FAM234B: variants seen among roughly 807,000 people sequenced by gnomAD.
The protein encoded by FAM234B is family with sequence similarity 234 member B.
Under a neutral mutation model 69.3 loss-of-function variants are expected in FAM234B, and 33 were observed. The ratio of observed to expected loss-of-function variants is 0.48; its 90% CI spans 0.36 to 0.64. FAM234B has a LOEUF of 0.64. FAM234B is among the 30% of genes least tolerant of loss of function. FAM234B has a pLI of 0.00. For synonymous variants in FAM234B, 306 were observed against 306.9 expected (o/e 1.00, Z 0.03); for missense variants, 697 against 769.7 (o/e 0.91, Z 1.12).
In FAM234B at chr12:13,068,659, A is replaced by T. The variant is rs200411461; in HGVS notation, c.1316A>T (p.Asp439Val). 2 of 1,613,112 alleles carry T rather than the reference A, an allele frequency of 1.2e-6. No homozygotes were observed. The highest frequency in any genetic ancestry group is 3.3e-5 in the Admixed American group (2 of 60,016). Reference sequence around the variant, plus strand: ...CCTACTCCTGGATATTTCACTGATGATCAGACATTAGATTTCCTTCTGCAG... The same window carrying T: ...CCTACTCCTGGATATTTCACTGATGTTCAGACATTAGATTTCCTTCTGCAG... Reference protein sequence around the residue: ...SQPTPGYFTDDQTLDFLLQIQ... With the variant: ...SQPTPGYFTDVQTLDFLLQIQ... Residue 439 changes from aspartate (D) to valine (V), a missense_variant, in exon 9 of 13, where the codon GAT (aspartate) becomes GTT (valine). By Grantham distance (152) the Asp-to-Val change is radical. Around this residue, in one of 3 missense-constraint regions of FAM234B, gnomAD observed 313 missense variants for 305.5 expected, o/e 1.02. Coordinates refer to ENST00000197268, the MANE Select transcript of FAM234B (RefSeq NM_020853.2).
intron 1 of FAM234B, among the ~76,000 whole-genome samples, chr12:13,047,938 G>GA (rs1039766935): frequency 6.6e-6 from 1 of 152,036 alleles, no homozygotes; most frequent in African/African-American, 2.4e-5. Context: ...TAAATAGATA[G>GA]AAAAAATATT....
At chr12:13,052,310 G>C (rs190058812) in intron 1 of FAM234B, among the ~76,000 whole-genome samples, 20 of 152,240 alleles carry the variant, frequency 1.3e-4, no homozygotes, top group African/African-American at 4.8e-4. Context: ...TAAGTAGCTA[G>C]TTGTAAGTTT....
At chr12:13,071,122 A>G in intron 9 of FAM234B, 119 bp from the exon 10 acceptor site, 1 of 1,098,008 alleles carries the variant, frequency 9.1e-7, no homozygotes. Flanking sequence ...GCATCTTAAA[A>G]GCGCAGCGTG....
In FAM234B at chr12:13,058,485, G is replaced by GA. The variant is rs1864954223; in HGVS notation, c.470dup (p.Asn157LysfsTer7). ...TGTCTCCATTGGAATTGGCTGATGTGAATGGAGATGGCCTGCGTGATGTGC... is the reference window on the plus strand; with the variant it reads ...TGTCTCCATTGGAATTGGCTGATGTGAAATGGAGATGGCCTGCGTGATGTGC... On this transcript the variant is annotated frameshift_variant, in exon 3 of 13. Transcript: ENST00000197268. LOFTEE classifies it high-confidence loss of function. 6.2e-7 allele frequency: 1 copy of GA among 1,613,978 alleles called. No homozygotes were observed. The highest frequency in any genetic ancestry group is 1.3e-5 in the African/African-American group (1 of 74,908).
chr12:13,052,172 A>G (rs1238807684), intron 1 of FAM234B, among the ~76,000 whole-genome samples: 1 of 152,124 alleles, frequency 6.6e-6, no homozygotes, highest in Non-Finnish European at 1.5e-5. Flanking sequence ...AGGACAGATA[A>G]TTGGCAACTT....
At chr12:13,071,750 A>G (rs1865109577) in intron 10 of FAM234B, among the ~76,000 whole-genome samples, 1 of 152,086 alleles carries the variant, frequency 6.6e-6, no homozygotes, top group Admixed American at 6.6e-5. Flanking sequence ...TGAAGTGGGC[A>G]GAGAGAATTT....
Position 13,080,613 on chromosome 12 carries a change from C to CT in FAM234B, c.1864-7dup. 1 of 1,604,072 alleles carries CT rather than the reference C, an allele frequency of 6.2e-7. No individual in the cohort carries two copies. Among genetic ancestry groups the CT allele is most frequent in the Non-Finnish European group, 8.5e-7 (1 of 1,171,044 alleles). On this transcript the variant is annotated splice_polypyrimidine_tract_variant and intron_variant, in intron 12 of 12. Transcript: ENST00000197268. ...GAAAAACAATAAAGTCACGATAACT[C>CT]TTTTTCCATAGATCTAATCTGATGG...
intron 1 of FAM234B, 47 bp from the exon 2 acceptor site, chr12:13,055,504 G>A (rs1221093466): frequency 1.3e-6 from 2 of 1,498,432 alleles, no homozygotes; most frequent in African/African-American, 1.4e-5. Flanking sequence ...TGGTGAGGGT[G>A]TCTTCTCCCC....
In FAM234B at chr12:13,058,541, G is replaced by C. The variant is rs775679493; in HGVS notation, c.524G>C (p.Ser175Thr). ...LLSFVMSRNG[S>T]AVGVSRPAAN... is the part of the protein sequence containing the mutation. ...TCCTTTGTGATGTCAAGGAACGGGA[G>C]TGCAGTAGGTAAGAGACGTGTTTTT... is the stretch of plus-strand genomic sequence containing the variant. Residue 175 changes from serine to threonine, a missense_variant, in exon 3 of 13, where the codon AGT (serine) becomes ACT (threonine). By Grantham distance (58) the Ser-to-Thr change is moderately conservative. Coordinates refer to ENST00000197268, the MANE Select transcript of FAM234B (RefSeq NM_020853.2). 60 of 1,611,212 alleles carry C rather than the reference G, an allele frequency of 3.7e-5. No homozygotes were observed. In the South Asian group the frequency reaches 6.4e-4, roughly 17 times the overall value.
In FAM234B at chr12:13,081,084, T is replaced by C. The variant is rs1194473577; in HGVS notation, c.*454T>C. The C allele has an allele frequency of 6.5e-6, 1 of 154,654 alleles. No homozygotes were observed. The highest frequency in any genetic ancestry group is 2.4e-5 in the African/African-American group (1 of 41,556). The allele number at this position is 154,654 out of a possible 1,614,324, so 9.6% of individuals were successfully genotyped here. ...CAGTTTCTTGTCCTTCTGAAATATA[T>C]CTGGTTTGTTTGGTCATTTTGAGAC... On this transcript the variant is annotated 3_prime_UTR_variant, in exon 13 of 13. Coordinates refer to ENST00000197268, the MANE Select transcript of FAM234B (RefSeq NM_020853.2).
At chr12:13,069,573 G>A (rs191534938) in intron 9 of FAM234B, among the ~76,000 whole-genome samples, 30 of 152,284 alleles carry the variant, frequency 2.0e-4, no homozygotes, top group Non-Finnish European at 4.1e-4. Context: ...GGGGTCCACC[G>A]GGAACACAGG....
At chr12:13,074,956 C>T (rs1865144038) in intron 10 of FAM234B, among the ~76,000 whole-genome samples, 1 of 152,180 alleles carries the variant, frequency 6.6e-6, no homozygotes, top group Non-Finnish European at 1.5e-5. Flanking sequence ...ACTTGGGAAG[C>T]TCTGGAGAGC....
At position 13,080,734 on chromosome 12, in the gene FAM234B, T is replaced by C. The variant is rs1865216640; in HGVS notation, c.*104T>C. 2.1e-5 allele frequency: 20 copies of C among 966,390 alleles called. 1 individual carries two copies. The South Asian group carries it at 2.9e-4, about 14-fold the overall frequency. The allele number at this position is 966,390 out of a possible 1,614,324, so 59.9% of individuals were successfully genotyped here. ...CTATGGAGAGAAGACTTCTTCGTCCTCATTTACCACCTCCCTGATGGTTGC... is the reference window on the plus strand; with the variant it reads ...CTATGGAGAGAAGACTTCTTCGTCCCCATTTACCACCTCCCTGATGGTTGC... On this transcript the variant is annotated 3_prime_UTR_variant, in exon 13 of 13. Coordinates refer to ENST00000197268, the MANE Select transcript of FAM234B (RefSeq NM_020853.2).
chr12:13,080,765 C>T lies in FAM234B; in HGVS notation c.*135C>T. ...ACCACCTCCCTGATGGTTGCAAAGG[C>T]TTGGGAAGGCATGTTGGAGTCTTTG... On this transcript the variant is annotated 3_prime_UTR_variant, in exon 13 of 13. Transcript: ENST00000197268. 1.4e-6 allele frequency: 1 copy of T among 715,886 alleles called. No homozygotes were observed. The highest frequency in any genetic ancestry group is 2.3e-6 in the Non-Finnish European group (1 of 428,068). 44.3% of individuals were successfully genotyped at this position (715,886 alleles called of 1,614,324 possible).
chr12:13,058,418 C>A lies in FAM234B; in HGVS notation c.434-33C>A, dbSNP rs370576232. On this transcript the variant is annotated intron_variant, in intron 2 of 12. Transcript: ENST00000197268. ...GAGAACTGGTTTGTGGTAACTTGCT[C>A]AGGACCTTTTTGGTTTTTTATGTGT... The A allele has an allele frequency of 4.4e-6, 7 of 1,580,240 alleles. No individual in the cohort carries two copies. The African/African-American group carries it at 6.7e-5, about 15-fold the overall frequency.
chr12:13,073,767 C>T (rs1219030595), intron 10 of FAM234B, among the ~76,000 whole-genome samples: 1 of 152,214 alleles, frequency 6.6e-6, no homozygotes, highest in Non-Finnish European at 1.5e-5. Context: ...GAGGTGTCTT[C>T]AGTGGTGGCT....
intron 1 of FAM234B, among the ~76,000 whole-genome samples, chr12:13,051,008 T>C (rs779913345): frequency 6.6e-6 from 1 of 152,254 alleles, no homozygotes; most frequent in Non-Finnish European, 1.5e-5. Context: ...AGTTCATAAA[T>C]TGTGGTTTGG....
At chr12:13,068,869 C>A (rs1410341452) in intron 9 of FAM234B, among the ~76,000 whole-genome samples, 158 bp downstream of exon 9, 1 of 152,180 alleles carries the variant, frequency 6.6e-6, no homozygotes, top group African/African-American at 2.4e-5. Flanking sequence ...TGAAAACTCA[C>A]AATTCATTGC....
chr12:13,048,911 C>T (rs578135240), intron 1 of FAM234B, among the ~76,000 whole-genome samples: 23 of 152,250 alleles, frequency 1.5e-4, no homozygotes, highest in African/African-American at 4.1e-4. Context: ...AACAGGGTTC[C>T]CCTTGTAAAA....
Sources: gnomAD v4.1 joint callset for allele counts (sites outside exome capture counted in the v4.1 genomes callset) on GRCh38, gnomAD v4.1.1 for gene constraint, gnomAD v4.1.1 regional missense constraint, MANE v1.5 for transcripts, NCBI Gene and HGNC (gene_info 2026-07-23, HGNC 2026-07-21) for gene names.